Variants in KCNH7 observed in about 807,000 individuals in gnomAD.
The protein encoded by KCNH7 is voltage-gated inwardly rectifying potassium channel KCNH7.
KCNH7 carries 49 observed loss-of-function variants against 120.8 expected under a neutral mutation model. The observed-to-expected ratio is 0.41, with a 90% CI of 0.32 to 0.51. KCNH7 has a LOEUF of 0.51. KCNH7 is among the 20% of genes least tolerant of loss of function. The pLI is 0.38. For missense variants in KCNH7, 1,097 were observed against 1,446.6 expected (o/e 0.76, Z 3.92); for synonymous variants, 547 against 516.1 (o/e 1.06, Z -0.81).
intron 6 of KCNH7, among the ~76,000 whole-genome samples, chr2:162,496,023 TG>T (rs1390427905): frequency 1.3e-5 from 2 of 152,150 alleles, no homozygotes; most frequent in Non-Finnish European, 2.9e-5. Context: ...TAACCCAAAT[TG>T]CTTCTTCTTG....
intron 8 of KCNH7, among the ~76,000 whole-genome samples, chr2:162,433,856 G>A (rs900246142): frequency 6.6e-6 from 1 of 151,890 alleles, no homozygotes; most frequent in South Asian, 2.1e-4. Context: ...ATTATCATTC[G>A]ACCCAACAAT....
At chr2:162,396,196 G>A (rs1315444658) in intron 11 of KCNH7, among the ~76,000 whole-genome samples, 2 of 151,698 alleles carry the variant, frequency 1.3e-5, no homozygotes, top group Admixed American at 6.6e-5. Context: ...ATTTCTGTTA[G>A]ACTACATATT....
chr2:162,817,971 A>C (rs2105584742), intron 2 of KCNH7, among the ~76,000 whole-genome samples: 1 of 152,212 alleles, frequency 6.6e-6, no homozygotes, highest in East Asian at 1.9e-4. Context: ...TGTAGAAAAC[A>C]ATTTCTTTGT....
intron 1 of KCNH7, among the ~76,000 whole-genome samples, chr2:162,837,087 A>G (rs963877641): frequency 1.3e-5 from 2 of 152,178 alleles, no homozygotes; most frequent in East Asian, 1.9e-4. Context: ...GCAGCTGCCC[A>G]TTGATATTTT....
chr2:162,782,576 A>G (rs1683540682), intron 2 of KCNH7, among the ~76,000 whole-genome samples: 1 of 152,184 alleles, frequency 6.6e-6, no homozygotes, highest in Admixed American at 6.5e-5. Context: ...GACCAAATAA[A>G]GAGTCCAACC....
At chr2:162,377,740 A>C (rs979994566) in intron 14 of KCNH7, among the ~76,000 whole-genome samples, 1 of 152,186 alleles carries the variant, frequency 6.6e-6, no homozygotes, top group African/African-American at 2.4e-5. Flanking sequence ...TAACATTAAC[A>C]ACTCCATTTT....
At position 162,714,813 on chromosome 2, in the gene KCNH7, C is replaced by T. The variant is rs1687052782; in HGVS notation, c.307+121724G>A. On this transcript the variant is annotated intron_variant, in intron 2 of 15. Transcript: ENST00000332142. ...ATTTCCACATGAAACAAAATATTATCCTTAAATTTTAATTCTTTTTTCAAT... is the reference window on the plus strand; with the variant it reads ...ATTTCCACATGAAACAAAATATTATTCTTAAATTTTAATTCTTTTTTCAAT... 1.3e-5 allele frequency among the ~76,000 whole-genome samples: 2 copies of T among 152,256 alleles called. 1 individual carries two copies. The highest frequency in any genetic ancestry group is 4.1e-4 in the South Asian group (2 of 4,822).
intron 2 of KCNH7, among the ~76,000 whole-genome samples, chr2:162,648,361 A>G (rs1684443079): frequency 6.6e-6 from 1 of 152,198 alleles, no homozygotes; most frequent in African/African-American, 2.4e-5. Context: ...TCATGAGAAC[A>G]GGAAAGGGGA....
intron 2 of KCNH7, among the ~76,000 whole-genome samples, chr2:162,751,926 G>GA (rs558383514): frequency 2.4e-4 from 36 of 151,816 alleles, no homozygotes; most frequent in Middle Eastern, 3.4e-3. Flanking sequence ...CCAGCAGAAA[G>GA]AAAAAAATAA....
chr2:162,730,215 T>A (rs1687678373), intron 2 of KCNH7, among the ~76,000 whole-genome samples: 1 of 151,504 alleles, frequency 6.6e-6, no homozygotes, highest in Non-Finnish European at 1.5e-5. Context: ...CTAGTAAGAA[T>A]ACTAGAAAGA....
At chr2:162,489,148 C>A (rs965427793) in intron 6 of KCNH7, among the ~76,000 whole-genome samples, 5 of 152,160 alleles carry the variant, frequency 3.3e-5, no homozygotes, top group African/African-American at 1.2e-4. Context: ...AAAAATTCCA[C>A]ACTTCTCCTT....
chr2:162,777,393 CTG>C (rs1683281201), intron 2 of KCNH7, among the ~76,000 whole-genome samples: 1 of 151,674 alleles, frequency 6.6e-6, no homozygotes, highest in African/African-American at 2.4e-5. Flanking sequence ...GAGCAAAAGT[CTG>C]TACATGTTTA....
chr2:162,491,419 C>T (rs1224146836), intron 6 of KCNH7, among the ~76,000 whole-genome samples: 1 of 152,126 alleles, frequency 6.6e-6, no homozygotes, highest in Non-Finnish European at 1.5e-5. Flanking sequence ...CACGGGACTC[C>T]CTTTCCTCTC....
intron 2 of KCNH7, among the ~76,000 whole-genome samples, chr2:162,617,576 A>T (rs1683193158): frequency 6.6e-6 from 1 of 152,218 alleles, no homozygotes; most frequent in African/African-American, 2.4e-5. Context: ...ATAATGGGTG[A>T]CACAGAAAAA....
At chr2:162,568,869 T>TA (rs1180778609) in intron 2 of KCNH7, among the ~76,000 whole-genome samples, 1 of 151,960 alleles carries the variant, frequency 6.6e-6, no homozygotes, top group East Asian at 1.9e-4. Flanking sequence ...TTGCATTCTG[T>TA]AAAAAATGGT....
chr2:162,629,808 G>A (rs1336918673), intron 2 of KCNH7, among the ~76,000 whole-genome samples: 2 of 152,040 alleles, frequency 1.3e-5, no homozygotes, highest in Non-Finnish European at 2.9e-5. Flanking sequence ...ATTATCAAAT[G>A]TTTACCATCA....
At chr2:162,758,989 A>T (rs531796434) in intron 2 of KCNH7, among the ~76,000 whole-genome samples, 111 of 152,254 alleles carry the variant, frequency 7.3e-4, no homozygotes, top group African/African-American at 2.6e-3. Context: ...TAATTGGTTG[A>T]TCTAATGAAA....
intron 2 of KCNH7, among the ~76,000 whole-genome samples, chr2:162,828,557 G>A (rs1470181495): frequency 6.6e-6 from 1 of 151,774 alleles, no homozygotes; most frequent in Non-Finnish European, 1.5e-5. Context: ...AAGAAAGAAT[G>A]ATACATAAAA....
chr2:162,675,477 G>A (rs2105303738), intron 2 of KCNH7, among the ~76,000 whole-genome samples: 1 of 151,536 alleles, frequency 6.6e-6, no homozygotes, highest in African/African-American at 2.4e-5. Flanking sequence ...AACAATAAAT[G>A]TATATTAAAG....
Sources: allele counts gnomAD v4.1 joint callset (sites outside exome capture counted in the v4.1 genomes callset), GRCh38; gene constraint gnomAD v4.1.1; transcripts MANE v1.5; gene names NCBI Gene and HGNC (gene_info 2026-07-23, HGNC 2026-07-21).